The following PDE10A variants were observed in gnomAD, a reference collection of about 807,000 sequenced individuals.
PDE10A encodes the protein phosphodiesterase 10A.
A neutral mutation model predicts 97.7 loss-of-function variants in PDE10A; 39 were observed. That is an observed-to-expected ratio of 0.40 (90% CI 0.31 to 0.52). The LOEUF is 0.52. Among genes scored for constraint, PDE10A ranks in the 20% least tolerant of loss-of-function variants. The probability of loss-of-function intolerance (pLI) is 0.56; values close to 1 mark genes in which losing one functional copy is unlikely to be tolerated. For synonymous variants in PDE10A, 371 were observed against 376.8 expected (o/e 0.98, Z 0.18); for missense variants, 731 against 1,047.8 (o/e 0.70, Z 4.17).
intron 1 of PDE10A, among the ~76,000 whole-genome samples, chr6:165,568,195 T>C (rs928908381): frequency 6.6e-6 from 1 of 151,998 alleles, no homozygotes; most frequent in African/African-American, 2.4e-5. Context: ...GAGACGGGGT[T>C]TCACCATGTT....
rs1239694097 is a variant in PDE10A, at chr6:165,327,574, G to GT, written c.*5450dup. 6.6e-6 allele frequency: 1 copy of GT among 152,088 alleles called. No individual in the cohort carries two copies. Among genetic ancestry groups the GT allele is most frequent in the Non-Finnish European group, 1.5e-5 (1 of 67,992 alleles). 9.4% of individuals were successfully genotyped at this position (152,088 alleles called of 1,614,324 possible). A position where few individuals can be genotyped will look rare whatever the true frequency, so the allele number is the denominator to read the frequency against. On this transcript the variant is annotated 3_prime_UTR_variant, in exon 22 of 22. Coordinates refer to ENST00000539869, the MANE Select transcript of PDE10A (RefSeq NM_001385079.1). ...CTATTATACAAACATAACAGTAAAT[G>GT]TTTTTTAAATACAAAGACTGCAAAT... is the stretch of plus-strand genomic sequence containing the variant.
chr6:165,752,153 A>T (rs993790733), intron 1 of PDE10A, among the ~76,000 whole-genome samples: 1 of 115,674 alleles, frequency 8.6e-6, no homozygotes, highest in Non-Finnish European at 1.8e-5. Flanking sequence ...AAAAAAAAAA[A>T]AGTGGGTAAA....
At chr6:165,775,355 C>A (rs1006518793) in intron 1 of PDE10A, 3 of 152,146 alleles carry the variant, frequency 2.0e-5, no homozygotes, top group African/African-American at 7.2e-5. Context: ...GCAGAGTGGC[C>A]ATAACAACCA....
chr6:165,535,398 G>C (rs481701), intron 2 of PDE10A, among the ~76,000 whole-genome samples: 119,198 of 151,700 alleles, frequency 0.79, 48,435 homozygotes, highest in Non-Finnish European at 0.89. Flanking sequence ...TTCCACATAT[G>C]CAAGATCTAT....
At chr6:165,824,484 C>G (rs912854349) in intron 1 of PDE10A, among the ~76,000 whole-genome samples, 7 of 152,194 alleles carry the variant, frequency 4.6e-5, no homozygotes, top group African/African-American at 1.7e-4. Flanking sequence ...CTATGTTTAC[C>G]TCACCATGGT....
At chr6:165,549,638 TA>T (rs1202874796) in intron 1 of PDE10A, among the ~76,000 whole-genome samples, 1 of 152,200 alleles carries the variant, frequency 6.6e-6, no homozygotes, top group African/African-American at 2.4e-5. Context: ...TATTATGTTT[TA>T]AAGTCACTTG....
intron 2 of PDE10A, among the ~76,000 whole-genome samples, chr6:165,485,263 T>C (rs1779836597): frequency 6.6e-6 from 1 of 151,898 alleles, no homozygotes; most frequent in Non-Finnish European, 1.5e-5. Context: ...CGAGGTCAGA[T>C]CGAGACCATC....
chr6:165,874,218 A>T (rs570454532), intron 1 of PDE10A, among the ~76,000 whole-genome samples: 1 of 152,102 alleles, frequency 6.6e-6, no homozygotes, highest in Non-Finnish European at 1.5e-5. Context: ...GCTTTTTCTC[A>T]TTTTGCCTTC....
intron 1 of PDE10A, among the ~76,000 whole-genome samples, chr6:165,861,490 C>A (rs140337387): frequency 6.6e-6 from 1 of 151,728 alleles, no homozygotes; most frequent in Non-Finnish European, 1.5e-5. Flanking sequence ...AGGGTGTGGA[C>A]ATAAAGGGGG....
At chr6:165,543,396 G>A in intron 2 of PDE10A, 44 bp downstream of exon 2, 1 of 1,568,724 alleles carries the variant, frequency 6.4e-7, no homozygotes, top group Non-Finnish European at 8.6e-7. Flanking sequence ...TTTGCCGTAA[G>A]ATAGAAAAAG....
chr6:165,362,305 A>G (rs1190587152), intron 18 of PDE10A, among the ~76,000 whole-genome samples: 1 of 152,194 alleles, frequency 6.6e-6, no homozygotes, highest in African/African-American at 2.4e-5. Context: ...ACTGACCAAG[A>G]AAAGACAGAG....
In PDE10A at chr6:165,691,099, T is replaced by TC. The variant is rs34189554; in HGVS notation, c.-614-147532_-614-147531insG. 5.4e-3 allele frequency among the ~76,000 whole-genome samples: 286 copies of TC among 53,272 alleles called. 66 individuals carry two copies. The highest frequency in any genetic ancestry group is 0.052 in the Middle Eastern group (3 of 58). 34.9% of individuals were successfully genotyped at this position (53,272 alleles called of 152,430 possible). The stretch of plus-strand genomic sequence containing the variant: ...TTTCTCTCTCTCTCTCTCTCTCTCT[T>TC]TCTCTCTCCCCCCCCCCATCAGTGC... On this transcript the variant is annotated intron_variant, in intron 1 of 19. Coordinates refer to the PDE10A transcript ENST00000366882.
At chr6:165,343,822 T>C (rs768779022) in intron 18 of PDE10A, among the ~76,000 whole-genome samples, 2 of 152,212 alleles carry the variant, frequency 1.3e-5, no homozygotes, top group Non-Finnish European at 2.9e-5. Context: ...TTTATGGCTA[T>C]GGATCAGGCT....
At chr6:165,977,890 A>G (rs193039630) in intron 1 of PDE10A, among the ~76,000 whole-genome samples, 1 of 152,368 alleles carries the variant, frequency 6.6e-6, no homozygotes, top group East Asian at 1.9e-4. Context: ...GAATAGTGAT[A>G]CAACAGAATA....
At chr6:165,972,807 A>C (rs978573452) in intron 1 of PDE10A, among the ~76,000 whole-genome samples, 1 of 152,342 alleles carries the variant, frequency 6.6e-6, no homozygotes, top group Middle Eastern at 3.4e-3. Flanking sequence ...TATTGTGACC[A>C]AGATACCTGT....
In PDE10A at chr6:165,450,257, T is replaced by C. The variant is rs1462422367; in HGVS notation, c.1129A>G (p.Ser377Gly). The C allele has an allele frequency of 3.8e-6, 6 of 1,591,524 alleles. No individual in the cohort carries two copies. The highest frequency in any genetic ancestry group is 5.1e-6 in the Non-Finnish European group (6 of 1,168,438). ...TGCTTCTTACCTATTTTAATGATGC[T>C]GCTCAGTTCATAGAGGAGTAGCTGG... ...DNQLLLYELS[S>G]IIKIATKADG... Residue 377 changes from serine (S) to glycine (G), a missense_variant, in exon 4 of 22, where the codon AGC becomes GGC. Coordinates refer to ENST00000539869, the MANE Select transcript of PDE10A (RefSeq NM_001385079.1).
chr6:165,546,142 T>G (rs751450256), intron 1 of PDE10A, among the ~76,000 whole-genome samples: 1 of 152,034 alleles, frequency 6.6e-6, no homozygotes, highest in Non-Finnish European at 1.5e-5. Context: ...CATATTGCTA[T>G]GAGAAGAAAA....
chr6:165,765,298 C>T (rs1583056378), intron 1 of PDE10A, among the ~76,000 whole-genome samples: 1 of 152,278 alleles, frequency 6.6e-6, no homozygotes, highest in South Asian at 2.1e-4. Context: ...CTCCTCAGCC[C>T]TTGGGTGATC....
At position 165,730,556 on chromosome 6, in the gene PDE10A, A is replaced by G. The variant is rs573095085; in HGVS notation, c.-614-186988T>C. On this transcript the variant is annotated intron_variant, in intron 1 of 19. Transcript: ENST00000366882. The stretch of plus-strand genomic sequence containing the variant: ...CACTTGAGGTCAGGGGTTCGAGACC[A>G]GCCTGGCCAACATGGTGAAACCCGG... Among the ~76,000 whole-genome samples, 7 of 151,812 alleles carry G rather than the reference A, an allele frequency of 4.6e-5. No individual in the cohort carries two copies. The East Asian group carries it at 1.2e-3, about 25-fold the overall frequency.
Sources: gnomAD v4.1 joint callset for allele counts (sites outside exome capture counted in the v4.1 genomes callset) on GRCh38, gnomAD v4.1.1 for gene constraint, MANE v1.5 for transcripts, NCBI Gene and HGNC (gene_info 2026-07-23, HGNC 2026-07-21) for gene names.